The following SGCZ variants were observed in gnomAD, a reference collection of about 807,000 sequenced individuals.
The protein encoded by SGCZ is sarcoglycan zeta.
A neutral mutation model predicts 41.3 loss-of-function variants in SGCZ; 40 were observed. That is an observed-to-expected ratio of 0.97 (90% CI 0.75 to 1.26). The LOEUF (loss-of-function observed/expected upper bound fraction) is 1.26. Among genes scored for constraint, SGCZ ranks in the 50% most tolerant of loss-of-function variants. The pLI is 0.00. For synonymous variants in SGCZ, 206 were observed against 137.5 expected (o/e 1.50, Z -3.49); for missense variants, 552 against 369.8 (o/e 1.49, Z -4.04).
intron 1 of SGCZ, among the ~76,000 whole-genome samples, chr8:14,621,840 G>C (rs888357972): frequency 8.6e-5 from 13 of 151,986 alleles, no homozygotes; most frequent in Admixed American, 5.9e-4. Context: ...GGGACGCAGA[G>C]CCAAATCATA....
Position 15,196,349 on chromosome 8 carries a change from C to T in SGCZ, c.39+41236G>A, listed in dbSNP as rs113507445. ...ACAATCTCCTGTTGTCTCCATTTAA[C>T]TCAAGAAAAGCTCCCAAATGAAAAC... On this transcript the variant is annotated intron_variant, in intron 1 of 7. Coordinates refer to ENST00000382080, the MANE Select transcript of SGCZ (RefSeq NM_139167.4). 8.9e-4 allele frequency among the ~76,000 whole-genome samples: 135 copies of T among 152,308 alleles called. 1 individual carries two copies. Among genetic ancestry groups the T allele is most frequent in the African/African-American group, 3.0e-3 (126 of 41,574 alleles).
chr8:14,344,004 A>C (rs1323486291), intron 2 of SGCZ, among the ~76,000 whole-genome samples: 2 of 152,172 alleles, frequency 1.3e-5, no homozygotes, highest in African/African-American at 4.8e-5. Context: ...ACAAAATTTC[A>C]TGAAGGAACT....
chr8:14,462,048 C>T (rs1398451144), intron 2 of SGCZ, among the ~76,000 whole-genome samples: 1 of 151,936 alleles, frequency 6.6e-6, no homozygotes, highest in African/African-American at 2.4e-5. Flanking sequence ...GATTTACTTC[C>T]AGGCAGCCAT....
intron 1 of SGCZ, among the ~76,000 whole-genome samples, chr8:14,604,843 C>T (rs534024505): frequency 1.3e-5 from 2 of 152,174 alleles, no homozygotes; most frequent in Non-Finnish European, 2.9e-5. Context: ...ATACTGCCTC[C>T]TTATATTGGA....
chr8:15,096,333 C>CT (rs1806345417), intron 1 of SGCZ, among the ~76,000 whole-genome samples: 1 of 152,008 alleles, frequency 6.6e-6, no homozygotes, highest in Non-Finnish European at 1.5e-5. Context: ...AGTGATCCAC[C>CT]TGCCTCCATC....
intron 1 of SGCZ, among the ~76,000 whole-genome samples, chr8:14,922,747 C>T (rs59456319): frequency 0.022 from 3,300 of 152,202 alleles, 124 homozygotes; most frequent in African/African-American, 0.075. Context: ...TTTTTGCATA[C>T]ATTCAAGATA....
At chr8:14,112,283 TGG>T (rs796504633) in intron 5 of SGCZ, among the ~76,000 whole-genome samples, 14,792 of 113,818 alleles carry the variant, frequency 0.13, 924 homozygotes, top group African/African-American at 0.18. Flanking sequence ...TTTTTTTTTG[TGG>T]GGGGGGGGTG....
intron 1 of SGCZ, among the ~76,000 whole-genome samples, chr8:14,601,069 T>C (rs1377445239): frequency 6.6e-6 from 1 of 150,392 alleles, no homozygotes; most frequent in Admixed American, 6.7e-5. Flanking sequence ...TAAAATTATA[T>C]AAATATTCTA....
chr8:14,241,049 CTAAA>C (rs1374372684), intron 3 of SGCZ, among the ~76,000 whole-genome samples: 2 of 152,078 alleles, frequency 1.3e-5, no homozygotes, highest in Admixed American at 6.6e-5. Flanking sequence ...AATGTTTTCC[CTAAA>C]TAAAGAAATG....
intron 1 of SGCZ, among the ~76,000 whole-genome samples, chr8:14,561,138 A>G (rs1457911413): frequency 6.6e-6 from 1 of 152,166 alleles, no homozygotes; most frequent in Admixed American, 6.5e-5. Flanking sequence ...GAATAAAAAC[A>G]TATAATTCTA....
At chr8:14,777,725 T>C (rs78650896) in intron 1 of SGCZ, among the ~76,000 whole-genome samples, 1,537 of 152,116 alleles carry the variant, frequency 0.01, 28 homozygotes, top group African/African-American at 0.034. Flanking sequence ...TTAATGCATG[T>C]ATGTGGGTAT....
chr8:14,650,398 T>C (rs1054447156), intron 1 of SGCZ, among the ~76,000 whole-genome samples: 1 of 151,984 alleles, frequency 6.6e-6, no homozygotes, highest in African/African-American at 2.4e-5. Context: ...AGGTTTGTCA[T>C]ATAGGTCAAT....
At chr8:14,246,235 G>T (rs75523422) in intron 3 of SGCZ, among the ~76,000 whole-genome samples, 101,328 of 152,040 alleles carry the variant, frequency 0.67, 34,150 homozygotes, top group South Asian at 0.78. Context: ...AAGAAAATGT[G>T]GCACATAGAC....
intron 4 of SGCZ, among the ~76,000 whole-genome samples, chr8:14,215,425 T>C (rs1805960924): frequency 6.6e-6 from 1 of 151,460 alleles, no homozygotes; most frequent in East Asian, 1.9e-4. Context: ...AGGAGAGTAG[T>C]CAAATGAATA....
chr8:14,874,156 C>T (rs1021992839), intron 1 of SGCZ, among the ~76,000 whole-genome samples: 2 of 152,056 alleles, frequency 1.3e-5, no homozygotes, highest in Non-Finnish European at 2.9e-5. Context: ...TCATATTCTT[C>T]TAGTTATAAA....
At chr8:14,616,996 T>C (rs1806126595) in intron 1 of SGCZ, among the ~76,000 whole-genome samples, 1 of 152,036 alleles carries the variant, frequency 6.6e-6, no homozygotes, top group African/African-American at 2.4e-5. Context: ...TTTAATATAA[T>C]TTGATGTATT....
intron 3 of SGCZ, among the ~76,000 whole-genome samples, chr8:14,300,133 T>C (rs1801137958): frequency 6.6e-6 from 1 of 151,952 alleles, no homozygotes; most frequent in Non-Finnish European, 1.5e-5. Context: ...ATTTTGATTG[T>C]GATGTGAATT....
chr8:14,525,181 TAGA>T (rs1563385945), intron 2 of SGCZ, among the ~76,000 whole-genome samples: 22 of 132,848 alleles, frequency 1.7e-4, no homozygotes, highest in Admixed American at 3.0e-4. Context: ...GATAGATAGA[TAGA>T]TAGATAGATA....
intron 5 of SGCZ, among the ~76,000 whole-genome samples, chr8:14,141,529 A>G (rs1401175157): frequency 6.6e-6 from 1 of 152,250 alleles, no homozygotes; most frequent in Non-Finnish European, 1.5e-5. Context: ...ACTTCTCAAA[A>G]GAAGACATTT....
Sources: gnomAD v4.1 joint callset for allele counts (sites outside exome capture counted in the v4.1 genomes callset) on GRCh38, gnomAD v4.1.1 for gene constraint, MANE v1.5 for transcripts, NCBI Gene and HGNC (gene_info 2026-07-23, HGNC 2026-07-21) for gene names.